Variants in HS6ST3 observed in about 807,000 individuals in gnomAD.
The protein encoded by HS6ST3 is heparan-sulfate 6-O-sulfotransferase 3.
HS6ST3 carries 12 observed loss-of-function variants against 36.7 expected under a neutral mutation model. The observed-to-expected ratio is 0.33, with a 90% CI of 0.21 to 0.53. The LOEUF (loss-of-function observed/expected upper bound fraction) is 0.53, where lower values mean the gene tolerates loss of function less well. Ranked by LOEUF, HS6ST3 falls within the 20% of genes least tolerant of loss-of-function variation. The pLI, the probability that HS6ST3 is intolerant of heterozygous loss-of-function variation, is 0.95. For missense variants in HS6ST3, 584 were observed against 640.9 expected (o/e 0.91, Z 0.96); for synonymous variants, 240 against 257.5 (o/e 0.93, Z 0.65).
intron 1 of HS6ST3, among the ~76,000 whole-genome samples, chr13:96,648,348 C>T (rs189026170): frequency 9.3e-4 from 141 of 152,126 alleles, no homozygotes; most frequent in Non-Finnish European, 3.8e-4. Context: ...TGTTATTCTA[C>T]CCAATCTCTT....
chr13:96,398,835 C>T (rs2055434955), intron 1 of HS6ST3, among the ~76,000 whole-genome samples: 1 of 152,136 alleles, frequency 6.6e-6, no homozygotes, highest in African/African-American at 2.4e-5. Flanking sequence ...AGTTGCTGGC[C>T]CTGGAGGCTG....
At chr13:96,631,419 T>G (rs1943558988) in intron 1 of HS6ST3, among the ~76,000 whole-genome samples, 1 of 152,206 alleles carries the variant, frequency 6.6e-6, no homozygotes, top group African/African-American at 2.4e-5. Flanking sequence ...TGGTATAAAT[T>G]TTGTTCTCAA....
chr13:96,789,633 A>G (rs1412445600), intron 1 of HS6ST3, among the ~76,000 whole-genome samples: 1 of 151,136 alleles, frequency 6.6e-6, no homozygotes, highest in African/African-American at 2.4e-5. Flanking sequence ...CATTCTTCTG[A>G]GAATGTCTTT....
chr13:96,348,075 A>G (rs2055164387), intron 1 of HS6ST3, among the ~76,000 whole-genome samples: 1 of 152,260 alleles, frequency 6.6e-6, no homozygotes. Flanking sequence ...ACACTATGCA[A>G]TCAGAGAGTT....
chr13:96,603,131 T>G (rs1158775384), intron 1 of HS6ST3, among the ~76,000 whole-genome samples: 1 of 152,168 alleles, frequency 6.6e-6, no homozygotes, highest in Non-Finnish European at 1.5e-5. Context: ...TTCTCCACAA[T>G]GCATTTTCAC....
At chr13:96,790,270 TACACACACAC>T (rs56867063) in intron 1 of HS6ST3, among the ~76,000 whole-genome samples, 39 of 144,418 alleles carry the variant, frequency 2.7e-4, no homozygotes, top group Admixed American at 3.5e-4. Context: ...AACACACATG[TACACACACAC>T]ACACACACAC....
In HS6ST3 at chr13:96,091,385, T is replaced by C; in HGVS notation, c.523T>C (p.Cys175Arg). The C allele has an allele frequency of 6.2e-7, 1 of 1,613,884 alleles. No individual in the cohort carries two copies. The highest frequency in any genetic ancestry group is 8.5e-7 in the Non-Finnish European group (1 of 1,179,936). The change falls in exon 1 of 2, where the codon TGT (cysteine) becomes CGT (arginine). Residue 175 changes from cysteine to arginine, a missense_variant. Transcript: ENST00000376705. ...GAAGAACATCCGGCTGGAGCAGCCT[T>C]GTAGCTGCAAAGCGGGTCAGAAGAA... ...LVKNIRLEQP[C>R]SCKAGQKKCT...
chr13:96,610,858 A>C (rs563165597), intron 1 of HS6ST3, among the ~76,000 whole-genome samples: 9 of 151,642 alleles, frequency 5.9e-5, no homozygotes, highest in African/African-American at 1.4e-4. Context: ...AAAATGAAAA[A>C]AAAAAACAAA....
intron 1 of HS6ST3, among the ~76,000 whole-genome samples, chr13:96,173,084 CAACA>C (rs1334711029): frequency 1.3e-5 from 2 of 151,678 alleles, no homozygotes; most frequent in Non-Finnish European, 1.5e-5. Flanking sequence ...TGGAGACAGG[CAACA>C]AACAAAGAAA....
At chr13:96,680,299 C>G (rs2056713880) in intron 1 of HS6ST3, among the ~76,000 whole-genome samples, 1 of 152,088 alleles carries the variant, frequency 6.6e-6, no homozygotes, top group South Asian at 2.1e-4. Context: ...CTCCACTCAA[C>G]CCAAAAAGAT....
chr13:96,328,642 C>G (rs2055046569), intron 1 of HS6ST3, among the ~76,000 whole-genome samples: 1 of 151,808 alleles, frequency 6.6e-6, no homozygotes, highest in South Asian at 2.1e-4. Context: ...CTAAAATTCT[C>G]TTTTTTGGTT....
At chr13:96,122,451 T>A (rs1419127086) in intron 1 of HS6ST3, among the ~76,000 whole-genome samples, 1 of 152,154 alleles carries the variant, frequency 6.6e-6, no homozygotes, top group East Asian at 1.9e-4. Flanking sequence ...ATACATGTAT[T>A]TTCTGTTTAG....
intron 1 of HS6ST3, among the ~76,000 whole-genome samples, chr13:96,749,237 T>G (rs1038659446): frequency 1.3e-5 from 2 of 152,154 alleles, no homozygotes; most frequent in African/African-American, 2.4e-5. Context: ...AACAGAATAC[T>G]TTGTGCCTAA....
intron 1 of HS6ST3, among the ~76,000 whole-genome samples, chr13:96,115,245 C>T (rs1233336361): frequency 6.6e-6 from 1 of 152,178 alleles, no homozygotes; most frequent in Non-Finnish European, 1.5e-5. Flanking sequence ...AGAAATCAAT[C>T]TAACTAGGCC....
At chr13:96,710,192 A>G (rs1875525768) in intron 1 of HS6ST3, among the ~76,000 whole-genome samples, 1 of 152,260 alleles carries the variant, frequency 6.6e-6, no homozygotes, top group Non-Finnish European at 1.5e-5. Context: ...GTAACTCAGG[A>G]TTTTGAAAAT....
At chr13:96,453,330 C>T (rs527328258) in intron 1 of HS6ST3, among the ~76,000 whole-genome samples, 2 of 152,240 alleles carry the variant, frequency 1.3e-5, no homozygotes, top group East Asian at 3.9e-4. Context: ...TTATCCCTCA[C>T]CCCTCTCCAA....
At position 96,799,982 on chromosome 13, in the gene HS6ST3, G is replaced by A. The variant is rs796614289; in HGVS notation, c.708-32508G>A. On this transcript the variant is annotated intron_variant, in intron 1 of 1. Transcript: ENST00000376705. ...TATATATGTGTATATATATATATAT[G>A]TATATATATATATATGTATATATAT... Among the ~76,000 whole-genome samples, 800 of 82,516 alleles carry A rather than the reference G, an allele frequency of 9.7e-3. 48 individuals carry two copies. The highest frequency in any genetic ancestry group is 0.052 in the African/African-American group (753 of 14,476). The allele number at this position is 82,516 out of a possible 152,430, so 54.1% of individuals were successfully genotyped here. A position where few individuals can be genotyped will look rare whatever the true frequency, so the allele number is the denominator to read the frequency against.
In HS6ST3 at chr13:96,707,368, A is replaced by G. The variant is rs758415104; in HGVS notation, c.708-125122A>G. ...CTGATCTCAGACTTGTAGCCTTCCT[A>G]ACTATGAGAAATAAATGTTGTTGCT... On this transcript the variant is annotated intron_variant, in intron 1 of 1. Transcript: ENST00000376705. Among the ~76,000 whole-genome samples, 87 of 152,180 alleles carry G rather than the reference A, an allele frequency of 5.7e-4. 1 individual carries two copies. The highest frequency in any genetic ancestry group is 2.1e-4 in the Non-Finnish European group (14 of 68,026).
chr13:96,527,028 T>C (rs747657162), intron 1 of HS6ST3, among the ~76,000 whole-genome samples: 10 of 152,224 alleles, frequency 6.6e-5, no homozygotes, highest in Non-Finnish European at 1.2e-4. Flanking sequence ...ATTCCACTTA[T>C]TTCTTTTTAC....
Sources: gnomAD v4.1 joint callset for allele counts (sites outside exome capture counted in the v4.1 genomes callset) on GRCh38, gnomAD v4.1.1 for gene constraint, MANE v1.5 for transcripts, NCBI Gene and HGNC (gene_info 2026-07-23, HGNC 2026-07-21) for gene names.